AMY2B: variants seen among roughly 807,000 people sequenced by gnomAD.
AMY2B encodes amylase alpha 2B, also known as alpha-amylase 2B.
In AMY2B, 63 loss-of-function variants were observed where a neutral mutation model predicts 59.3. That is an observed-to-expected ratio of 1.06 (90% CI 0.87 to 1.31). The LOEUF is 1.31. Among genes scored for constraint, AMY2B ranks in the 50% most tolerant of loss-of-function variants. AMY2B has a pLI of 0.00. For synonymous variants in AMY2B, 180 were observed against 198.1 expected, an observed-to-expected ratio of 0.91 and a Z score of 0.77; for missense variants, 635 against 626.7, an observed-to-expected ratio of 1.01 and a Z score of -0.14.
chr1:103,579,510 T>G lies in AMY2B; in HGVS notation c.*10T>G, dbSNP rs1480786147. ...TGAATCTAAATTATAAAATTTAAAATTAAATGCATATCCTCAAAACAATAG... is the reference window on the plus strand; with the variant it reads ...TGAATCTAAATTATAAAATTTAAAAGTAAATGCATATCCTCAAAACAATAG... On this transcript the variant is annotated 3_prime_UTR_variant, in exon 10 of 10. Coordinates refer to ENST00000684275, the MANE Select transcript of AMY2B (RefSeq NM_001387437.1). The G allele has an allele frequency of 1.2e-6, 2 of 1,608,166 alleles. No individual in the cohort carries two copies. Among genetic ancestry groups the G allele is most frequent in the South Asian group, 2.2e-5 (2 of 89,930 alleles).
intron 1 of AMY2B, among the ~76,000 whole-genome samples, chr1:103,564,237 T>A (rs1306837094): frequency 2.6e-5 from 4 of 152,142 alleles, no homozygotes; most frequent in Non-Finnish European, 5.9e-5. Flanking sequence ...ATCACACAGG[T>A]TATAAATGGA....
chr1:103,570,305 A>G (rs929124243), upstream of AMY2B: 8 of 608,080 alleles, frequency 1.3e-5, no homozygotes, highest in Admixed American at 3.7e-5. Flanking sequence ...ACCATCGGCA[A>G]TGAGGTTGCA....
Position 103,574,360 on chromosome 1 carries a change from G to A in AMY2B, c.845G>A (p.Arg282His), listed in dbSNP as rs201396892. Reference sequence around the variant, plus strand: ...GGTGCAAAACTCGGCACAGTTATTCGCAAGTGGAATGGAGAGAAGATGTCT... The same window carrying A: ...GGTGCAAAACTCGGCACAGTTATTCACAAGTGGAATGGAGAGAAGATGTCT... ...KYGAKLGTVI[R>H]KWNGEKMSYL... Residue 282 changes from arginine (R) to histidine (H), a missense_variant, in exon 5 of 10, where the codon CGC becomes CAC. Coordinates refer to ENST00000684275, the MANE Select transcript of AMY2B (RefSeq NM_001387437.1). 1.5e-4 allele frequency: 243 copies of A among 1,611,616 alleles called. No homozygotes were observed. Among genetic ancestry groups the A allele is most frequent in the Non-Finnish European group, 1.9e-4 (222 of 1,179,710 alleles).
upstream of AMY2B, chr1:103,571,156 T>G: frequency 1.1e-6 from 1 of 940,916 alleles, no homozygotes; most frequent in Middle Eastern, 4.8e-4. Context: ...TTTCTTAGCT[T>G]CTGTTGTCTG....
chr1:103,576,283 G>C (rs1652350488), intron 7 of AMY2B, among the ~76,000 whole-genome samples: 1 of 152,116 alleles, frequency 6.6e-6, no homozygotes, highest in Non-Finnish European at 1.5e-5. Context: ...TATCTAGCTA[G>C]CTTTTTTTAG....
At chr1:103,575,002 T>A (rs1319598712) in intron 5 of AMY2B, among the ~76,000 whole-genome samples, 1 of 150,202 alleles carries the variant, frequency 6.7e-6, no homozygotes, top group African/African-American at 2.4e-5. Context: ...ATTACACACG[T>A]GTGTGTATAT....
At chr1:103,567,951 C>T (rs1479609425), upstream of AMY2B, among the ~76,000 whole-genome samples, 4 of 152,196 alleles carry the variant, frequency 2.6e-5, no homozygotes, top group Non-Finnish European at 5.9e-5. Context: ...TCCTTCAAAT[C>T]ACATCATAAA....
chr1:103,557,702 A>T (rs572686726), intron 1 of AMY2B, among the ~76,000 whole-genome samples: 2 of 152,276 alleles, frequency 1.3e-5, no homozygotes, highest in African/African-American at 4.8e-5. Context: ...ATTATAAAAT[A>T]GCACTTAATA....
chr1:103,577,598 C>A lies in AMY2B; in HGVS notation c.1210C>A (p.Arg404Ser). 6.2e-7 allele frequency: 1 copy of A among 1,611,788 alleles called. No homozygotes were observed. Among genetic ancestry groups the A allele is most frequent in the Non-Finnish European group, 8.5e-7 (1 of 1,179,776 alleles). The change falls in exon 8 of 10, where the codon CGC (arginine) becomes AGC (serine). Residue 404 changes from arginine to serine, a missense_variant. Physicochemically the swap from Arg to Ser is moderately radical, Grantham distance 110. Transcript: ENST00000684275. ...GNDWVCEHRW[R>S]QIRNMVNFRN... ...TGACTGGGTCTGTGAACATCGATGG[C>A]GCCAAATAAGGTGAGAATATGTATT...
At chr1:103,558,722 C>G (rs1233846406) in intron 1 of AMY2B, among the ~76,000 whole-genome samples, 1 of 149,694 alleles carries the variant, frequency 6.7e-6, no homozygotes, top group Non-Finnish European at 1.5e-5. Context: ...GTGATTGCAT[C>G]TCTGCACTCC....
At chr1:103,557,602 G>A (rs1243567029) in intron 1 of AMY2B, among the ~76,000 whole-genome samples, 1 of 151,576 alleles carries the variant, frequency 6.6e-6, no homozygotes, top group Non-Finnish European at 1.5e-5. Context: ...GCAGTGAGCC[G>A]AGATTGGGCC....
chr1:103,573,708 G>T lies in AMY2B; in HGVS notation c.514G>T (p.Val172Phe). 1 of 1,613,626 alleles carries T rather than the reference G, an allele frequency of 6.2e-7. No individual in the cohort carries two copies. Among genetic ancestry groups the T allele is most frequent in the Non-Finnish European group, 8.5e-7 (1 of 1,179,620 alleles). ...AATCATAACATTTTTACCTCAACAG[G>T]TCAGAGATTGTCGTCTGGTTGGTCT... ...DIENYNDATQ[V>F]RDCRLVGLLD... Residue 172 changes from valine to phenylalanine, a missense_variant and splice_region_variant, in exon 4 of 10, where the codon GTC (valine) becomes TTC (phenylalanine). Transcript: ENST00000684275.
intron 1 of AMY2B, chr1:103,564,955 TCA>T (rs1346248181): frequency 1.3e-5 from 2 of 152,170 alleles, no homozygotes; most frequent in African/African-American, 4.8e-5. Flanking sequence ...AAAGTTTAAA[TCA>T]CAGAGTCCCC....
chr1:103,565,910 ATATAAT>A (rs1651893177), intron 2 of AMY2B, among the ~76,000 whole-genome samples: 1 of 152,234 alleles, frequency 6.6e-6, no homozygotes, highest in African/African-American at 2.4e-5. Flanking sequence ...GGTCCATCTG[ATATAAT>A]TAAAAGTTTT....
At chr1:103,574,208 A>T (rs1265373834) in intron 4 of AMY2B, 52 bp from the exon 5 acceptor site, 1 of 1,610,512 alleles carries the variant, frequency 6.2e-7, no homozygotes, top group African/African-American at 1.3e-5. Context: ...TATTGGTTAA[A>T]ATGCTTTAAA....
At chr1:103,564,741 C>T (rs976840752) in intron 1 of AMY2B, among the ~76,000 whole-genome samples, 10 of 152,058 alleles carry the variant, frequency 6.6e-5, no homozygotes, top group African/African-American at 2.2e-4. Context: ...TGTTCCATTT[C>T]TTAGACTGTC....
chr1:103,575,115 G>GA (rs1310729690), intron 5 of AMY2B, 108 bp from the exon 6 acceptor site: 1 of 1,494,496 alleles, frequency 6.7e-7, no homozygotes, highest in Non-Finnish European at 9.1e-7. Context: ...ATTAGAGAAA[G>GA]AATTTAATCT....
chr1:103,572,356 T>A (rs1192119306), intron 2 of AMY2B, 100 bp downstream of exon 2: 4 of 1,516,138 alleles, frequency 2.6e-6, no homozygotes, highest in Non-Finnish European at 3.5e-6. Flanking sequence ...CATATTTTAT[T>A]TTTTTAATTT....
chr1:103,560,244 T>C lies in AMY2B; in HGVS notation c.-207+5135T>C, dbSNP rs374699441. 4.6e-5 allele frequency among the ~76,000 whole-genome samples: 7 copies of C among 152,288 alleles called. No individual in the cohort carries two copies. The East Asian group carries it at 1.3e-3, about 29-fold the overall frequency. On this transcript the variant is annotated intron_variant, in intron 1 of 11. Transcript: ENST00000361355. ...ATTATTGTACTGTCAATATTTTTGCTTTAGTAATTTTAAACATGTTATAAG... is the reference window on the plus strand; with the variant it reads ...ATTATTGTACTGTCAATATTTTTGCCTTAGTAATTTTAAACATGTTATAAG...
Sources: gnomAD v4.1 joint callset for allele counts (sites outside exome capture counted in the v4.1 genomes callset) on GRCh38, gnomAD v4.1.1 for gene constraint, MANE v1.5 for transcripts, NCBI Gene and HGNC (gene_info 2026-07-23, HGNC 2026-07-21) for gene names.